Variants in ATP8A2 observed in about 807,000 individuals in gnomAD.
The protein encoded by ATP8A2 is ATPase phospholipid transporting 8A2, also known as phospholipid-transporting ATPase IB.
In ATP8A2, 100 loss-of-function variants were observed where a neutral mutation model predicts 165.6. The ratio of observed to expected loss-of-function variants is 0.60; its 90% CI spans 0.51 to 0.71. The LOEUF (loss-of-function observed/expected upper bound fraction) is 0.71. Among genes scored for constraint, ATP8A2 ranks in the 30% least tolerant of loss-of-function variants. The pLI, the probability that ATP8A2 is intolerant of heterozygous loss-of-function variation, is 0.00. For synonymous variants in ATP8A2, 543 were observed against 548.8 expected (o/e 0.99, Z 0.15); for missense variants, 1,227 against 1,479.5 (o/e 0.83, Z 2.80).
chr13:25,662,665 T>A (rs1171365425), intron 24 of ATP8A2, among the ~76,000 whole-genome samples: 3 of 152,076 alleles, frequency 2.0e-5, no homozygotes, highest in Non-Finnish European at 4.4e-5. Context: ...TAAAATGAAT[T>A]AGTGAGTAAT....
intron 23 of ATP8A2, among the ~76,000 whole-genome samples, chr13:25,586,639 A>G (rs1194713651): frequency 2.6e-5 from 4 of 152,210 alleles, no homozygotes; most frequent in African/African-American, 7.2e-5. Context: ...CTGTAAAGCT[A>G]TTGAGAACCA....
chr13:25,399,266 A>C (rs1018655246), intron 1 of ATP8A2, among the ~76,000 whole-genome samples: 1 of 151,936 alleles, frequency 6.6e-6, no homozygotes, highest in African/African-American at 2.4e-5. Context: ...TGATTCAGGA[A>C]GTCTGGGATG....
chr13:25,474,591 A>T (rs964164018), intron 2 of ATP8A2, among the ~76,000 whole-genome samples: 11 of 151,716 alleles, frequency 7.3e-5, no homozygotes, highest in African/African-American at 2.7e-4. Context: ...AAAGAATATT[A>T]CCTTTACAGA....
chr13:25,751,239 A>G (rs1404168347), intron 25 of ATP8A2, among the ~76,000 whole-genome samples: 2 of 152,234 alleles, frequency 1.3e-5, no homozygotes, highest in Non-Finnish European at 2.9e-5. Flanking sequence ...GCTCTGCTAC[A>G]GTGCCTACCA....
chr13:25,729,622 T>C (rs2043571949), intron 25 of ATP8A2, among the ~76,000 whole-genome samples: 1 of 152,290 alleles, frequency 6.6e-6, no homozygotes, highest in African/African-American at 2.4e-5. Context: ...GTTATTCCCC[T>C]GGCAAGGTGT....
At chr13:25,714,670 T>C (rs1261396857) in intron 25 of ATP8A2, among the ~76,000 whole-genome samples, 2 of 152,226 alleles carry the variant, frequency 1.3e-5, no homozygotes, top group Non-Finnish European at 2.9e-5. Flanking sequence ...CTTCACTTTC[T>C]TGGAGGCAGC....
intron 20 of ATP8A2, among the ~76,000 whole-genome samples, chr13:25,577,598 G>A (rs563690490): frequency 7.9e-5 from 12 of 152,204 alleles, no homozygotes; most frequent in Admixed American, 3.9e-4. Context: ...CAATGTCCAT[G>A]TGTAGCTGCA....
chr13:25,504,405 A>T (rs1237815046), intron 2 of ATP8A2, among the ~76,000 whole-genome samples: 2 of 150,064 alleles, frequency 1.3e-5, no homozygotes, highest in Non-Finnish European at 3.0e-5. Flanking sequence ...AATAATTTTT[A>T]AAAATCTTTC....
chr13:25,407,058 G>A (rs962679598), intron 1 of ATP8A2, among the ~76,000 whole-genome samples: 31 of 152,198 alleles, frequency 2.0e-4, no homozygotes, highest in Admixed American at 1.2e-3. Context: ...AAGATACCAC[G>A]GTTGGGTTGA....
At chr13:25,826,876 G>A (rs1951332159) in intron 27 of ATP8A2, among the ~76,000 whole-genome samples, 2 of 140,900 alleles carry the variant, frequency 1.4e-5, no homozygotes, top group Non-Finnish European at 1.5e-5. Flanking sequence ...CTGCCTCCGT[G>A]TATTCAGATT....
At chr13:25,733,261 G>T (rs1191175697) in intron 25 of ATP8A2, among the ~76,000 whole-genome samples, 2 of 151,986 alleles carry the variant, frequency 1.3e-5, no homozygotes, top group Non-Finnish European at 2.9e-5. Context: ...AGCAAAGAGG[G>T]GTATTTCCAC....
intron 2 of ATP8A2, among the ~76,000 whole-genome samples, chr13:25,522,791 T>C (rs2037711780): frequency 6.6e-6 from 1 of 152,188 alleles, no homozygotes; most frequent in Admixed American, 6.6e-5. Context: ...GTTTTTAATA[T>C]GTTGGTGAAT....
chr13:25,899,613 A>C (rs887265724), intron 33 of ATP8A2, among the ~76,000 whole-genome samples: 2 of 152,088 alleles, frequency 1.3e-5, no homozygotes, highest in Admixed American at 1.3e-4. Context: ...GCACCAGGGG[A>C]GGCAAAGCTG....
chr13:25,697,016 CA>C (rs2042847429), intron 24 of ATP8A2, among the ~76,000 whole-genome samples: 1 of 152,088 alleles, frequency 6.6e-6, no homozygotes, highest in South Asian at 2.1e-4. Flanking sequence ...CAAGAATTAC[CA>C]AAATGTGACA....
chr13:25,602,285 A>G (rs1565970415), intron 24 of ATP8A2, among the ~76,000 whole-genome samples: 10 of 152,174 alleles, frequency 6.6e-5, no homozygotes, highest in Admixed American at 1.3e-4. Context: ...TTATTGAGGA[A>G]TGTCAGCAGG....
At chr13:25,423,257 ACTTT>A (rs2034350819) in intron 1 of ATP8A2, among the ~76,000 whole-genome samples, 1 of 152,098 alleles carries the variant, frequency 6.6e-6, no homozygotes, top group South Asian at 2.1e-4. Flanking sequence ...ATTATTAGCA[ACTTT>A]CTTTTTCTCT....
rs550679052 is a variant in ATP8A2 at position 26,000,644 on chromosome 13, A to G, written c.3378-11887A>G. 2.0e-5 allele frequency among the ~76,000 whole-genome samples: 3 copies of G among 147,244 alleles called. No homozygotes were observed. In the South Asian group the frequency reaches 6.3e-4, roughly 31 times the overall value. On this transcript the variant is annotated intron_variant, in intron 35 of 36. Transcript: ENST00000381655. ...CTCTGGGTGAAGTAATGTCTACACA[A>G]CACCTTTCATAGCAATAGTTCCCAG...
intron 18 of ATP8A2, among the ~76,000 whole-genome samples, chr13:25,572,518 C>T (rs565360174): frequency 6.6e-6 from 1 of 152,246 alleles, no homozygotes; most frequent in Non-Finnish European, 1.5e-5. Context: ...TTCTGAGTTT[C>T]CTTACCTACA....
At chr13:25,868,105 G>A (rs768388606) in intron 33 of ATP8A2, 5 of 456,372 alleles carry the variant, frequency 1.1e-5, no homozygotes, top group Middle Eastern at 3.2e-4. Context: ...ACCCAAGTGC[G>A]GGTGTTGGGA....
Sources: allele counts gnomAD v4.1 joint callset (sites outside exome capture counted in the v4.1 genomes callset), GRCh38; gene constraint gnomAD v4.1.1; transcripts MANE v1.5; gene names NCBI Gene and HGNC (gene_info 2026-07-23, HGNC 2026-07-21).